ZNF592: variants seen among roughly 807,000 people sequenced by gnomAD.
ZNF592 encodes the protein zinc finger protein 592.
ZNF592 carries 11 observed loss-of-function variants against 80.3 expected under a neutral mutation model. That is an observed-to-expected ratio of 0.14 (90% CI 0.09 to 0.23). The LOEUF (loss-of-function observed/expected upper bound fraction) is 0.23. Among genes scored for constraint, ZNF592 ranks in the 10% least tolerant of loss-of-function variants. ZNF592 has a pLI of 1.00. For synonymous variants in ZNF592, 646 were observed against 640.3 expected, an observed-to-expected ratio of 1.01 and a Z score of -0.13; for missense variants, 1,420 against 1,633.9, an observed-to-expected ratio of 0.87 and a Z score of 2.26.
In ZNF592 at chr15:84,783,919, C is replaced by T. The variant is rs1367957103; in HGVS notation, c.1244C>T (p.Ala415Val). 6.2e-7 allele frequency: 1 copy of T among 1,614,162 alleles called. No individual in the cohort carries two copies. The highest frequency in any genetic ancestry group is 8.5e-7 in the Non-Finnish European group (1 of 1,179,980). ...PVGSPLGSAIAEAPSEMPGDE... is the reference protein window; with the variant it reads ...PVGSPLGSAIVEAPSEMPGDE... ...GGGTCACCTCTAGGGAGCGCCATTG[C>T]AGAGGCCCCCAGCGAGATGCCAGGG... The change falls in exon 4 of 11, where the codon GCA (alanine) becomes GTA (valine). Residue 415 changes from alanine to valine, a missense_variant. Physicochemically the swap from Ala to Val is moderately conservative, Grantham distance 64 (BLOSUM62 0). Transcript: ENST00000560079. The surrounding 1 kb of genome is among the most constrained non-coding windows in gnomAD (Gnocchi z 5.0).
chr15:84,752,027 G>A (rs1862042897), intron 1 of ZNF592, among the ~76,000 whole-genome samples: 1 of 152,128 alleles, frequency 6.6e-6, no homozygotes, highest in Non-Finnish European at 1.5e-5. Flanking sequence ...CTCCCAAAGT[G>A]CTGGGATTGC....
intron 1 of ZNF592, among the ~76,000 whole-genome samples, chr15:84,749,339 G>A (rs569806165): frequency 1.3e-5 from 2 of 152,212 alleles, no homozygotes; most frequent in Non-Finnish European, 1.5e-5. Context: ...GGGAGGACAG[G>A]AGAGCGTCTG....
chr15:84,796,267 T>TATATATATATATATATA (rs1567076315), intron 5 of ZNF592, among the ~76,000 whole-genome samples: 1 of 44,234 alleles, frequency 2.3e-5, no homozygotes, highest in Non-Finnish European at 3.4e-5. Context: ...TATATATATT[T>TATATATATATATATATA]TATATATATA....
chr15:84,800,359 C>T (rs1283179724), intron 10 of ZNF592, among the ~76,000 whole-genome samples: 2 of 152,142 alleles, frequency 1.3e-5, no homozygotes, highest in Non-Finnish European at 2.9e-5. Context: ...GGCCAACTCA[C>T]CCCCCAACCT....
chr15:84,768,060 A>ATT (rs1899581989), intron 2 of ZNF592, among the ~76,000 whole-genome samples: 1 of 99,588 alleles, frequency 1.0e-5, no homozygotes, highest in Admixed American at 9.7e-5. Flanking sequence ...TTTTAATTTT[A>ATT]ATTTTTTTTT....
In ZNF592 at chr15:84,782,854, C is replaced by A; in HGVS notation, c.179C>A (p.Ala60Asp). 6.2e-7 allele frequency: 1 copy of A among 1,614,152 alleles called. No individual in the cohort carries two copies. Among genetic ancestry groups the A allele is most frequent in the Non-Finnish European group, 8.5e-7 (1 of 1,180,026 alleles). The change falls in exon 4 of 11, where the codon GCC (alanine) becomes GAC (aspartate). Residue 60 changes from alanine (A) to aspartate (D), a missense_variant. Ala to Asp is a moderately radical substitution (Grantham distance 126). Transcript: ENST00000560079. ...ESVSLSHSGS[A>D]PDVPAVSVIV... The stretch of plus-strand genomic sequence containing the variant: ...GTGTCCTTGTCTCACTCAGGATCAG[C>A]CCCCGATGTGCCGGCCGTGAGTGTC...
rs72491489 is a variant in ZNF592 at position 84,779,984 on chromosome 15, G to GTTTTTT, written c.-20+1676_-20+1677insTTTTTT. Among the ~76,000 whole-genome samples the GTTTTTT allele has an allele frequency of 1.4e-4, 18 of 131,760 alleles. 1 individual carries two copies. The highest frequency in any genetic ancestry group is 1.7e-4 in the African/African-American group (6 of 35,296). 86.4% of individuals were successfully genotyped at this position (131,760 alleles called of 152,430 possible). A position where few individuals can be genotyped will look rare whatever the true frequency, so the allele number is the denominator to read the frequency against. On this transcript the variant is annotated intron_variant, in intron 3 of 10. Coordinates refer to ENST00000560079, the MANE Select transcript of ZNF592 (RefSeq NM_014630.3). ...CCCCTCAATCTTTTTTTCCTAGACA[G>GTTTTTT]TTTTGTTTTTTTTTTTTTTTGAGTT...
At chr15:84,786,756 T>C (rs1039414312) in intron 4 of ZNF592, among the ~76,000 whole-genome samples, 12 of 151,836 alleles carry the variant, frequency 7.9e-5, no homozygotes, top group African/African-American at 2.4e-4. Flanking sequence ...TTACTTTATC[T>C]GAGTCAAGGG....
Position 84,798,261 on chromosome 15 carries a change from G to A in ZNF592, c.2577-54G>A, listed in dbSNP as rs1218613415. On this transcript the variant is annotated intron_variant, in intron 6 of 10. Coordinates refer to ENST00000560079, the MANE Select transcript of ZNF592 (RefSeq NM_014630.3). The surrounding 1 kb of genome is among the most constrained non-coding windows in gnomAD (Gnocchi z 4.5). Reference sequence around the variant, plus strand: ...TGGTTCAGAGAGAGCAGAGATGGGTGGAGGGGCTGCATGGTGCCTTGGCCA... The same window carrying A: ...TGGTTCAGAGAGAGCAGAGATGGGTAGAGGGGCTGCATGGTGCCTTGGCCA... The A allele has an allele frequency of 3.1e-6, 5 of 1,611,070 alleles. No homozygotes were observed. Among genetic ancestry groups the A allele is most frequent in the Non-Finnish European group, 4.2e-6 (5 of 1,178,318 alleles).
In ZNF592 at chr15:84,798,790, A is replaced by T; in HGVS notation, c.2939A>T (p.Asn980Ile). 2 of 1,603,016 alleles carry T rather than the reference A, an allele frequency of 1.2e-6. No homozygotes were observed. Among genetic ancestry groups the T allele is most frequent in the South Asian group, 2.2e-5 (2 of 90,986 alleles). ...GTGGAAGCCAGGCCGCGGCTGAGGA[A>T]CACTGGCTGGACCTGCCAGGAGTGC... ...RRVEARPRLR[N>I]TGWTCQECQE... is the part of the protein sequence containing the mutation. The change falls in exon 8 of 11, where the codon AAC (asparagine) becomes ATC (isoleucine). Residue 980 changes from asparagine (N) to isoleucine (I), a missense_variant. Asn to Ile is a moderately radical substitution (Grantham distance 149). Transcript: ENST00000560079. This position sits in a 1 kb window ranked among gnomAD's most constrained non-coding sequence, Gnocchi z 4.5.
At chr15:84,768,151 C>T (rs35758837) in intron 2 of ZNF592, among the ~76,000 whole-genome samples, 29,163 of 149,852 alleles carry the variant, frequency 0.19, 3,635 homozygotes, top group Middle Eastern at 0.36. Context: ...CTTGGCCTCA[C>T]GCTTGGGATT....
At chr15:84,780,770 TTTGTTG>T (rs60093318) in intron 3 of ZNF592, among the ~76,000 whole-genome samples, 31 of 150,854 alleles carry the variant, frequency 2.1e-4, no homozygotes, top group Middle Eastern at 3.4e-3. Flanking sequence ...CTGAGTGGGT[TTTGTTG>T]TTGTTGTTGT....
rs1962466956 is a variant in ZNF592, at chr15:84,783,050, C to G, written c.375C>G (p.Gly125=). 6.2e-7 allele frequency: 1 copy of G among 1,614,162 alleles called. No homozygotes were observed. Among genetic ancestry groups the G allele is most frequent in the Non-Finnish European group, 8.5e-7 (1 of 1,180,042 alleles). ...GAGACAGTGCCAGGAGTTTCCCTGG[C>G]AAACTGGAGCCTCCCAAGTCAGAGC... ...MNGDSARSFP[G]KLEPPKSEPL... Residue 125 remains glycine, a synonymous_variant, in exon 4 of 11, where the codon GGC becomes GGG. Coordinates refer to ENST00000560079, the MANE Select transcript of ZNF592 (RefSeq NM_014630.3). The surrounding 1 kb of genome is among the most constrained non-coding windows in gnomAD (Gnocchi z 5.0).
Position 84,799,585 on chromosome 15 carries a change from C to T in ZNF592, c.3138-257C>T, listed in dbSNP as rs1337884745. On this transcript the variant is annotated intron_variant, in intron 9 of 10. Transcript: ENST00000560079. The surrounding 1 kb of genome is among the most constrained non-coding windows in gnomAD (Gnocchi z 4.2). The stretch of plus-strand genomic sequence containing the variant: ...TTTCACTGTGACTACTAGCCTAGCA[C>T]TTGGGTCTCTGGGCGGTGACATCAG... Among the ~76,000 whole-genome samples, 1 of 152,224 alleles carries T rather than the reference C, an allele frequency of 6.6e-6. No homozygotes were observed. Among genetic ancestry groups the T allele is most frequent in the African/African-American group, 2.4e-5 (1 of 41,456 alleles).
At chr15:84,778,859 C>T (rs1223181115) in intron 3 of ZNF592, among the ~76,000 whole-genome samples, 1 of 152,172 alleles carries the variant, frequency 6.6e-6, no homozygotes, top group Non-Finnish European at 1.5e-5. Flanking sequence ...TTTATAGCAT[C>T]ATTTGGAGTT....
chr15:84,794,802 G>T (rs1335544971), intron 5 of ZNF592, among the ~76,000 whole-genome samples: 2 of 152,112 alleles, frequency 1.3e-5, no homozygotes, highest in Non-Finnish European at 2.9e-5. Context: ...TTGGAGAAAT[G>T]TCTGTTCAGA....
At position 84,782,795 on chromosome 15, in the gene ZNF592, C is replaced by G; in HGVS notation, c.120C>G (p.Pro40=). 2 of 1,614,136 alleles carry G rather than the reference C, an allele frequency of 1.2e-6. No homozygotes were observed. Among genetic ancestry groups the G allele is most frequent in the Non-Finnish European group, 1.7e-6 (2 of 1,180,024 alleles). Residue 40 remains proline, a synonymous_variant, in exon 4 of 11, where the codon CCC becomes CCG. Coordinates refer to ENST00000560079, the MANE Select transcript of ZNF592 (RefSeq NM_014630.3). Reference sequence around the variant, plus strand: ...CACCCAGTGAGGAGAATGAGAGTCCCCTCAAACCTCCAGGCATATGTATGG... The same window carrying G: ...CACCCAGTGAGGAGAATGAGAGTCCGCTCAAACCTCCAGGCATATGTATGG... The part of the protein sequence containing the change: ...IQTPSEENES[P]LKPPGICMDE...
intron 2 of ZNF592, among the ~76,000 whole-genome samples, chr15:84,768,193 C>G (rs1255329427): frequency 1.5e-5 from 2 of 136,982 alleles, no homozygotes; most frequent in Non-Finnish European, 3.3e-5. Context: ...TAGCCAGTAT[C>G]TTCTTATCTT....
chr15:84,797,301 A>G (rs1962946648), intron 5 of ZNF592, among the ~76,000 whole-genome samples: 1 of 151,874 alleles, frequency 6.6e-6, no homozygotes, highest in South Asian at 2.1e-4. Context: ...AGCAAGTTCC[A>G]CTGGACAACA....
Sources: gnomAD v4.1 joint callset for allele counts (sites outside exome capture counted in the v4.1 genomes callset) on GRCh38, gnomAD v4.1.1 for gene constraint, Gnocchi (gnomAD v3.1) non-coding constraint, MANE v1.5 for transcripts, NCBI Gene and HGNC (gene_info 2026-07-23, HGNC 2026-07-21) for gene names.